Variants in NDST1 observed in about 807,000 individuals in gnomAD.
NDST1 encodes the protein bifunctional heparan sulfate N-deacetylase/N-sulfotransferase 1.
A neutral mutation model predicts 92.8 loss-of-function variants in NDST1; 35 were observed. The ratio of observed to expected loss-of-function variants is 0.38; its 90% CI spans 0.29 to 0.50. The LOEUF (loss-of-function observed/expected upper bound fraction) is 0.50, where lower values mean the gene tolerates loss of function less well. Among genes scored for constraint, NDST1 ranks in the 20% least tolerant of loss-of-function variants. The pLI, the probability that NDST1 is intolerant of heterozygous loss-of-function variation, is 0.94. For missense variants in NDST1, 822 were observed against 1,182.7 expected (o/e 0.69, Z 4.47); for synonymous variants, 493 against 500.3 (o/e 0.99, Z 0.19).
chr5:150,509,869 T>A (rs115499102), intron 1 of NDST1, among the ~76,000 whole-genome samples: 489 of 152,288 alleles, frequency 3.2e-3, no homozygotes, highest in African/African-American at 0.011. Context: ...CTGGCTGAAG[T>A]CCTGCCTTGC....
At chr5:150,546,757 C>A (rs1479099232) in intron 11 of NDST1, among the ~76,000 whole-genome samples, 2 of 152,266 alleles carry the variant, frequency 1.3e-5, no homozygotes, top group African/African-American at 4.8e-5. Context: ...CTCTTTGCTC[C>A]CATGGAAGTC....
chr5:150,539,661 TA>T (rs1755156549), intron 7 of NDST1: 1 of 985,088 alleles, frequency 1.0e-6, no homozygotes, highest in African/African-American at 1.7e-5. Context: ...TACACACACA[TA>T]TATGAACAAC....
At position 150,555,409 on chromosome 5, in the gene NDST1, G is replaced by A. The variant is rs1755849639; in HGVS notation, c.*2077G>A. The A allele has an allele frequency of 1.3e-5, 2 of 152,862 alleles. No homozygotes were observed. Among genetic ancestry groups the A allele is most frequent in the African/African-American group, 4.8e-5 (2 of 41,456 alleles). 9.5% of individuals were successfully genotyped at this position (152,862 alleles called of 1,614,324 possible). A position where few individuals can be genotyped will look rare whatever the true frequency, so the allele number is the denominator to read the frequency against. On this transcript the variant is annotated 3_prime_UTR_variant, in exon 15 of 15. Transcript: ENST00000261797. Reference sequence around the variant, plus strand: ...TTCTCTGCTGGGATGAAGAAAGTTGGACACTCAGTGGGACCAGCTGCAGGT... The same window carrying A: ...TTCTCTGCTGGGATGAAGAAAGTTGAACACTCAGTGGGACCAGCTGCAGGT...
chr5:150,552,892 G>T (rs1401222495), intron 14 of NDST1, among the ~76,000 whole-genome samples: 1 of 152,086 alleles, frequency 6.6e-6, no homozygotes, highest in Non-Finnish European at 1.5e-5. Flanking sequence ...TGTCACCCAG[G>T]CTGGAGTGCA....
In NDST1 at chr5:150,501,147, G is replaced by A. The variant is rs148564087; in HGVS notation, c.-388+2908G>A. Among the ~76,000 whole-genome samples the A allele has an allele frequency of 5.2e-3, 798 of 152,278 alleles. 6 individuals carry two copies. Among genetic ancestry groups the A allele is most frequent in the Non-Finnish European group, 8.8e-3 (601 of 68,016 alleles). Reference sequence around the variant, plus strand: ...TGATGGGACAGCTGCCTCTGTGCCCGCTTCCGCCTGACACTGGGCTTCGTG... The same window carrying A: ...TGATGGGACAGCTGCCTCTGTGCCCACTTCCGCCTGACACTGGGCTTCGTG... On this transcript the variant is annotated intron_variant, in intron 1 of 1. Transcript: ENST00000518299.
rs2151270018 is a variant in NDST1 at position 150,521,306 on chromosome 5, G to A, written c.52G>A (p.Ala18Thr). 4 of 1,613,006 alleles carry A rather than the reference G, an allele frequency of 2.5e-6. No individual in the cohort carries two copies. In the South Asian group the frequency reaches 3.3e-5, roughly 13 times the overall value. The part of the protein sequence containing the change: ...RRLCRHVSPQ[A>T]VLFLLFIFCL... ...GCTGTGTCGGCACGTGTCCCCGCAG[G>A]CTGTCCTTTTCCTGCTGTTCATCTT... Residue 18 changes from alanine (A) to threonine (T), a missense_variant, in exon 2 of 15, where the codon GCT becomes ACT. Physicochemically the swap from Ala to Thr is moderately conservative, Grantham distance 58. Coordinates refer to ENST00000261797, the MANE Select transcript of NDST1 (RefSeq NM_001543.5). This position sits in a 1 kb window ranked among gnomAD's most constrained non-coding sequence, Gnocchi z 5.9.
At chr5:150,500,260 G>A (rs1243740868) in intron 1 of NDST1, among the ~76,000 whole-genome samples, 1 of 152,004 alleles carries the variant, frequency 6.6e-6, no homozygotes. Flanking sequence ...ATTCTAGGGT[G>A]TAGCCTCCCC....
intron 2 of NDST1, among the ~76,000 whole-genome samples, chr5:150,524,671 C>T (rs1350664934): frequency 2.0e-5 from 3 of 152,224 alleles, no homozygotes; most frequent in Non-Finnish European, 4.4e-5. Flanking sequence ...TCCCGAATGA[C>T]ATAGCTACAG....
At chr5:150,538,029 T>C (rs1755072849) in intron 6 of NDST1, among the ~76,000 whole-genome samples, 1 of 152,174 alleles carries the variant, frequency 6.6e-6, no homozygotes, top group Non-Finnish European at 1.5e-5. Flanking sequence ...AAGGAAGGAA[T>C]GCTGGCAAGA....
At chr5:150,540,440 A>G (rs961199982) in intron 8 of NDST1, among the ~76,000 whole-genome samples, 176 bp downstream of exon 8, 1 of 152,210 alleles carries the variant, frequency 6.6e-6, no homozygotes, top group Admixed American at 6.5e-5. Context: ...CTTTGCACAC[A>G]TGCATGCTCA....
At chr5:150,522,595 A>G (rs904638704) in intron 2 of NDST1, among the ~76,000 whole-genome samples, 5 of 152,112 alleles carry the variant, frequency 3.3e-5, no homozygotes, top group Admixed American at 6.5e-5. Context: ...TTTACTGAGC[A>G]CTCACAGTGT....
intron 1 of NDST1, among the ~76,000 whole-genome samples, chr5:150,512,214 G>A (rs1753757909): frequency 6.6e-6 from 1 of 152,114 alleles, no homozygotes; most frequent in African/African-American, 2.4e-5. Context: ...GATGCCATTT[G>A]AGCCTGTCAT....
In NDST1 at chr5:150,549,752, G is replaced by A; in HGVS notation, c.2391G>A (p.Gly797=). The change falls in exon 13 of 15, where the codon GGG becomes GGA. Residue 797 remains glycine (G), a synonymous_variant. Transcript: ENST00000261797. The part of the protein sequence containing the change: ...KVMDMVQKFL[G]VTNTIDYHKT... ...TGGACATGGTGCAGAAGTTCCTTGGGGTGACCAACACCATTGACTACCACA... is the reference window on the plus strand; with the variant it reads ...TGGACATGGTGCAGAAGTTCCTTGGAGTGACCAACACCATTGACTACCACA... 1.2e-6 allele frequency: 2 copies of A among 1,613,678 alleles called. No homozygotes were observed. The highest frequency in any genetic ancestry group is 8.5e-7 in the Non-Finnish European group (1 of 1,179,584).
At chr5:150,533,095 A>C in intron 4 of NDST1, 63 bp downstream of exon 4, 11 of 1,497,868 alleles carry the variant, frequency 7.3e-6, no homozygotes, top group Middle Eastern at 1.7e-4. Flanking sequence ...CCAAACCCTC[A>C]AAGCACCCAT....
intron 8 of NDST1, among the ~76,000 whole-genome samples, chr5:150,540,645 G>A (rs1055212591): frequency 1.3e-5 from 2 of 152,092 alleles, no homozygotes; most frequent in Non-Finnish European, 2.9e-5. Flanking sequence ...GCGAAACCCT[G>A]TCTCTACAAA....
upstream of NDST1, among the ~76,000 whole-genome samples, chr5:150,506,651 TC>T (rs1376616552): frequency 7.2e-5 from 11 of 152,158 alleles, no homozygotes; most frequent in Non-Finnish European, 1.2e-4. Flanking sequence ...GTTGTCTGTG[TC>T]CTAGAGAAAG....
chr5:150,539,780 G>C, intron 7 of NDST1: 1 of 985,210 alleles, frequency 1.0e-6, no homozygotes, highest in Non-Finnish European at 1.2e-6. Flanking sequence ...TCAGCTCTGT[G>C]GGCTGAGTAC....
In NDST1 at chr5:150,508,136, C is replaced by G. The variant is rs1753546149; in HGVS notation, c.-478C>G. 1 of 152,186 alleles carries G rather than the reference C, an allele frequency of 6.6e-6. No homozygotes were observed. Among genetic ancestry groups the G allele is most frequent in the African/African-American group, 2.4e-5 (1 of 41,408 alleles). The allele number at this position is 152,186 out of a possible 1,614,324, so 9.4% of individuals were successfully genotyped here. A position where few individuals can be genotyped will look rare whatever the true frequency, so the allele number is the denominator to read the frequency against. ...CAACAGTAATGCCATTTTTCCTGGC[C>G]CTGGGATTAGGTGCAGCCGTGTTAA... On this transcript the variant is annotated 5_prime_UTR_variant, in exon 1 of 15. Transcript: ENST00000261797.
At chr5:150,539,975 A>T in intron 7 of NDST1, 107 bp from the exon 8 acceptor site, 1 of 1,438,696 alleles carries the variant, frequency 7.0e-7, no homozygotes, top group Non-Finnish European at 9.7e-7. Context: ...TCCACTGGTC[A>T]TCAGGAGCCT....
Sources: gnomAD v4.1 joint callset for allele counts (sites outside exome capture counted in the v4.1 genomes callset) on GRCh38, gnomAD v4.1.1 for gene constraint, Gnocchi (gnomAD v3.1) non-coding constraint, MANE v1.5 for transcripts, NCBI Gene and HGNC (gene_info 2026-07-23, HGNC 2026-07-21) for gene names.